CCDC141: variants seen among roughly 807,000 people sequenced by gnomAD.
The protein encoded by CCDC141 is coiled-coil domain-containing protein 141.
A neutral mutation model predicts 181.0 loss-of-function variants in CCDC141; 168 were observed. The ratio of observed to expected loss-of-function variants is 0.93; its 90% CI spans 0.82 to 1.05. The LOEUF (loss-of-function observed/expected upper bound fraction) is 1.05, where lower values mean the gene tolerates loss of function less well. Among genes scored for constraint, CCDC141 ranks in the 50% least tolerant of loss-of-function variants. CCDC141 has a pLI of 0.00. For missense variants in CCDC141, 1,902 were observed against 1,788.5 expected (o/e 1.06, Z -1.14); for synonymous variants, 666 against 642.3 (o/e 1.04, Z -0.56).
intron 23 of CCDC141, 194 bp downstream of exon 23, chr2:178,836,700 T>C: frequency 1.8e-6 from 1 of 568,332 alleles, no homozygotes; most frequent in Non-Finnish European, 3.0e-6. Flanking sequence ...GGTTACCTTT[T>C]ATTTTTCTTA....
intron 6 of CCDC141, among the ~76,000 whole-genome samples, chr2:178,932,149 C>G (rs554145301): frequency 6.6e-6 from 1 of 152,104 alleles, no homozygotes; most frequent in Non-Finnish European, 1.5e-5. Context: ...CAGAGTGAGA[C>G]GCAGTCTCAA....
At position 178,978,564 on chromosome 2, in the gene CCDC141, A is replaced by G. The variant is rs1255502027; in HGVS notation, c.337T>C (p.Trp113Arg). The G allele has an allele frequency of 3.2e-6, 5 of 1,550,056 alleles. No individual in the cohort carries two copies. The highest frequency in any genetic ancestry group is 2.4e-5 in the East Asian group (1 of 40,854). The change falls in exon 3 of 24, where the codon TGG becomes CGG. Residue 113 changes from tryptophan (W) to arginine (R), a missense_variant. Physicochemically the swap from Trp to Arg is moderately radical, Grantham distance 101. Coordinates refer to ENST00000443758, the MANE Select transcript of CCDC141 (RefSeq NM_173648.4). ...DAMAETLGEA[W>R]AALVSMLERR... ...TCAAGCATGGACACCAGAGCTGCCC[A>G]TGCTTCACCCAGAGTCTCGGCCATG... is the stretch of plus-strand genomic sequence containing the variant.
chr2:178,988,793 C>T (rs1479535474), intron 2 of CCDC141, among the ~76,000 whole-genome samples: 1 of 152,070 alleles, frequency 6.6e-6, no homozygotes, highest in Non-Finnish European at 1.5e-5. Context: ...GGTGTATTGA[C>T]ATAAGGATAG....
At chr2:178,970,256 A>G (rs570820715) in intron 4 of CCDC141, among the ~76,000 whole-genome samples, 2 of 152,356 alleles carry the variant, frequency 1.3e-5, no homozygotes, top group East Asian at 3.9e-4. Flanking sequence ...TTCTTCACAG[A>G]ATTGGAAAAA....
chr2:179,026,710 C>T (rs910426163), intron 2 of CCDC141, among the ~76,000 whole-genome samples: 1 of 152,194 alleles, frequency 6.6e-6, no homozygotes, highest in African/African-American at 2.4e-5. Flanking sequence ...CTGGAAAAGC[C>T]ACAGACGCAC....
intron 4 of CCDC141, among the ~76,000 whole-genome samples, chr2:178,969,033 G>A (rs1405981673): frequency 1.5e-5 from 2 of 134,662 alleles, no homozygotes; most frequent in Non-Finnish European, 3.1e-5. Context: ...CCTAAACCAG[G>A]AAGAAGTCGA....
intron 6 of CCDC141, among the ~76,000 whole-genome samples, chr2:178,927,633 A>G (rs1688958723): frequency 6.6e-6 from 1 of 152,164 alleles, no homozygotes; most frequent in Non-Finnish European, 1.5e-5. Context: ...ATAGGAAGCA[A>G]TATCTGAGCT....
chr2:178,990,510 G>T (rs1691997102), intron 2 of CCDC141, among the ~76,000 whole-genome samples: 1 of 142,350 alleles, frequency 7.0e-6, no homozygotes, highest in Non-Finnish European at 1.5e-5. Flanking sequence ...TAGTACAAAA[G>T]AGAGAGAGAG....
intron 7 of CCDC141, among the ~76,000 whole-genome samples, chr2:178,910,740 T>G (rs1264781908): frequency 2.0e-5 from 3 of 152,236 alleles, no homozygotes; most frequent in Non-Finnish European, 4.4e-5. Flanking sequence ...GCTTATTCCT[T>G]GCCTGTCAAA....
chr2:178,957,856 AGCTGGGATCACAG>A (rs757746198), intron 5 of CCDC141, among the ~76,000 whole-genome samples: 10 of 152,152 alleles, frequency 6.6e-5, no homozygotes, highest in Non-Finnish European at 1.5e-4. Flanking sequence ...CCTCCTGAGT[AGCTGGGATCACAG>A]GTACACACCA....
intron 17 of CCDC141, among the ~76,000 whole-genome samples, chr2:178,860,843 A>G (rs1685582522): frequency 6.6e-6 from 1 of 152,096 alleles, no homozygotes; most frequent in Non-Finnish European, 1.5e-5. Context: ...CATCAGTAAT[A>G]CATATTTTAT....
chr2:178,895,805 G>A (rs1296851189), intron 8 of CCDC141, among the ~76,000 whole-genome samples: 1 of 152,160 alleles, frequency 6.6e-6, no homozygotes, highest in Non-Finnish European at 1.5e-5. Context: ...GTTCTTAAAT[G>A]CTTAGTACAG....
At chr2:179,016,539 C>A (rs566960816) in intron 2 of CCDC141, among the ~76,000 whole-genome samples, 2 of 151,988 alleles carry the variant, frequency 1.3e-5, no homozygotes, top group Non-Finnish European at 2.9e-5. Flanking sequence ...TTCACATAAG[C>A]TTCTAGAGTA....
chr2:179,001,570 G>A (rs2041979515), intron 2 of CCDC141, among the ~76,000 whole-genome samples: 1 of 151,888 alleles, frequency 6.6e-6, no homozygotes, highest in South Asian at 2.1e-4. Flanking sequence ...CAGAGGAGGA[G>A]GTAAAAAGAG....
At chr2:178,875,575 AAAAG>A (rs1198214062) in intron 12 of CCDC141, 1 of 151,718 alleles carries the variant, frequency 6.6e-6, no homozygotes, top group African/African-American at 2.4e-5. Context: ...AAAAAAAAAG[AAAAG>A]AAAGGAAAGA....
At chr2:178,842,062 T>C (rs953419988) in intron 22 of CCDC141, among the ~76,000 whole-genome samples, 5 of 150,786 alleles carry the variant, frequency 3.3e-5, no homozygotes, top group Admixed American at 6.6e-5. Context: ...AAACCATGTT[T>C]GTTATTACCA....
intron 19 of CCDC141, among the ~76,000 whole-genome samples, 166 bp downstream of exon 19, chr2:178,855,181 C>T (rs923196006): frequency 6.6e-6 from 1 of 152,076 alleles, no homozygotes; most frequent in Non-Finnish European, 1.5e-5. Context: ...CCCCTTAGGT[C>T]CAGCAATTCT....
chr2:178,817,702 A>T, the CCDC141 span: 1 of 362,522 alleles, frequency 2.8e-6, no homozygotes, highest in Non-Finnish European at 5.6e-6. Flanking sequence ...AGGAAATTTG[A>T]AGTTGCTAAG....
intron 8 of CCDC141, among the ~76,000 whole-genome samples, chr2:178,895,665 C>T (rs570791947): frequency 1.6e-4 from 24 of 152,250 alleles, no homozygotes; most frequent in African/African-American, 5.5e-4. Flanking sequence ...TTAATATAGA[C>T]ATGAAAATAT....
Sources: gnomAD v4.1 joint callset for allele counts (sites outside exome capture counted in the v4.1 genomes callset) on GRCh38, gnomAD v4.1.1 for gene constraint, MANE v1.5 for transcripts, NCBI Gene and HGNC (gene_info 2026-07-23, HGNC 2026-07-21) for gene names.